The following MYO1F variants were observed in gnomAD, a reference collection of about 807,000 sequenced individuals.
MYO1F encodes the protein unconventional myosin-If.
MYO1F carries 60 observed loss-of-function variants against 146.6 expected under a neutral mutation model. The observed-to-expected ratio is 0.41, with a 90% CI of 0.33 to 0.51. MYO1F has a LOEUF of 0.51. MYO1F is among the 20% of genes least tolerant of loss of function. The pLI is 0.25. For missense variants in MYO1F, 1,274 were observed against 1,534.3 expected, an observed-to-expected ratio of 0.83 and a Z score of 2.83; for synonymous variants, 602 against 602.1, an observed-to-expected ratio of 1.00 and a Z score of 0.00.
intron 19 of MYO1F, among the ~76,000 whole-genome samples, chr19:8,531,585 A>G (rs1381385912): frequency 6.6e-6 from 1 of 151,610 alleles, no homozygotes; most frequent in Non-Finnish European, 1.5e-5. Context: ...AAATGACTGG[A>G]CCTCCCTGTG....
intron 6 of MYO1F, 46 bp downstream of exon 6, chr19:8,553,093 C>A: frequency 1.3e-6 from 2 of 1,567,724 alleles, no homozygotes; most frequent in South Asian, 2.2e-5. Context: ...GTAGAAAGGT[C>A]AGCACGGAGG....
At chr19:8,539,566 A>G (rs749527668) in intron 16 of MYO1F, among the ~76,000 whole-genome samples, 2 of 151,500 alleles carry the variant, frequency 1.3e-5, no homozygotes, top group Non-Finnish European at 2.9e-5. Flanking sequence ...ACTGCACTCC[A>G]TCCTGGGTGA....
chr19:8,545,514 C>CT (rs1292424497), intron 13 of MYO1F, 136 bp downstream of exon 13: 1 of 776,570 alleles, frequency 1.3e-6, no homozygotes, highest in Non-Finnish European at 2.4e-6. Context: ...TGGTTGTTAT[C>CT]TGTCGCTGGA....
At position 8,529,966 on chromosome 19, in the gene MYO1F, G is replaced by A. The variant is rs943276033; in HGVS notation, c.2328+230C>T. 3.1e-5 allele frequency: 20 copies of A among 649,444 alleles called. No homozygotes were observed. In the Admixed American group the frequency reaches 4.3e-4, roughly 14 times the overall value. The allele number at this position is 649,444 out of a possible 1,614,324, so 40.2% of individuals were successfully genotyped here. A position where few individuals can be genotyped will look rare whatever the true frequency, so the allele number is the denominator to read the frequency against. On this transcript the variant is annotated intron_variant, in intron 21 of 27. Transcript: ENST00000644032. ...CTAGGCTGGGGGATAGATACCTATG[G>A]ACAGGTGTGTCTGTGCCAGGTGAGG... is the stretch of plus-strand genomic sequence containing the variant.
chr19:8,556,035 T>C (rs1205202274), intron 1 of MYO1F, among the ~76,000 whole-genome samples: 1 of 151,494 alleles, frequency 6.6e-6, no homozygotes, highest in Non-Finnish European at 1.5e-5. Context: ...TTTTTATTTA[T>C]TTATTTATTT....
intron 13 of MYO1F, 110 bp downstream of exon 13, chr19:8,545,540 G>T (rs982125469): frequency 6.8e-5 from 61 of 899,680 alleles, no homozygotes; most frequent in Non-Finnish European, 1.1e-4. Context: ...TGAGTGTAGG[G>T]TAGAGAAGGG....
At chr19:8,564,844 C>T (rs1226010021) in intron 1 of MYO1F, among the ~76,000 whole-genome samples, 1 of 151,882 alleles carries the variant, frequency 6.6e-6, no homozygotes, top group Non-Finnish European at 1.5e-5. Context: ...ATGATTTCGG[C>T]TCACTGCAAC....
intron 15 of MYO1F, chr19:8,540,248 TAGGAACTGCAGCC>T (rs1382446063): frequency 2.0e-6 from 1 of 489,362 alleles, no homozygotes; most frequent in Non-Finnish European, 3.6e-6. Flanking sequence ...GGTGCGATGA[TAGGAACTGCAGCC>T]TGGAACTCCT....
chr19:8,551,474 C>T (rs750193161), intron 8 of MYO1F: 26 of 459,766 alleles, frequency 5.7e-5, no homozygotes, highest in Non-Finnish European at 9.6e-5. Context: ...GCCTCTGCCT[C>T]CCCAGTAGCT....
At chr19:8,543,972 CTGGTGCTGGTGCTGGTGGTGGTGCTGGT>C (rs1568349965) in intron 14 of MYO1F, 35 of 113,814 alleles carry the variant, frequency 3.1e-4, no homozygotes, top group African/African-American at 2.7e-3. Context: ...GGTGGTGGTG[CTGGTGCTGGTGCTGGTGGTGGTGCTGGT>C]GGTGGCGGTG....
chr19:8,555,042 G>A (rs2913926), intron 2 of MYO1F, among the ~76,000 whole-genome samples: 20,818 of 151,700 alleles, frequency 0.14, 1,478 homozygotes, highest in Non-Finnish European at 0.14. Flanking sequence ...AAAATTACCC[G>A]GGCATGGTGG....
intron 1 of MYO1F, among the ~76,000 whole-genome samples, chr19:8,566,524 T>A (rs2042008339): frequency 6.7e-6 from 1 of 150,116 alleles, no homozygotes; most frequent in Non-Finnish European, 1.5e-5. Context: ...ATTAATTTAT[T>A]TATTTTTGAA....
chr19:8,563,322 C>CA (rs1232125978), intron 1 of MYO1F, among the ~76,000 whole-genome samples: 1 of 109,674 alleles, frequency 9.1e-6, no homozygotes, highest in African/African-American at 3.5e-5. Context: ...TTTTGAGACA[C>CA]AGTCTTGCTC....
chr19:8,529,735 A>G, intron 21 of MYO1F: 1 of 298,284 alleles, frequency 3.4e-6, no homozygotes, highest in South Asian at 3.1e-5. Flanking sequence ...GTGAGGGTGT[A>G]TCTGACAGGT....
In MYO1F at chr19:8,550,389, CAGTT is replaced by C. The variant is rs535620553; in HGVS notation, c.905-37_905-34del. The C allele has an allele frequency of 1.7e-4, 266 of 1,596,684 alleles. No homozygotes were observed. In the African/African-American group the frequency reaches 3.1e-3, roughly 19 times the overall value. On this transcript the variant is annotated intron_variant, in intron 9 of 27. Transcript: ENST00000644032. ...GGCAAAGGTCAGGGCAAAAATGGGA[CAGTT>C]GGTTGGGCTCTTGTGCCTCCTGCAT...
At chr19:8,523,608 C>G (rs1031180761) in intron 25 of MYO1F, among the ~76,000 whole-genome samples, 16 of 152,154 alleles carry the variant, frequency 1.1e-4, no homozygotes, top group African/African-American at 3.9e-4. Flanking sequence ...ACTTCGGCCT[C>G]CCAACATGCT....
chr19:8,529,900 C>T (rs1457753372), intron 21 of MYO1F: 4 of 552,954 alleles, frequency 7.2e-6, no homozygotes, highest in Non-Finnish European at 1.3e-5. Context: ...GCAGGTGTGC[C>T]TGGGCTAGGT....
chr19:8,553,798 G>T (rs1973713565), intron 4 of MYO1F, among the ~76,000 whole-genome samples: 1 of 151,412 alleles, frequency 6.6e-6, no homozygotes, highest in Admixed American at 6.6e-5. Flanking sequence ...CTTGAACCTG[G>T]GAGGCAGAGG....
intron 4 of MYO1F, 58 bp downstream of exon 4, chr19:8,554,419 T>C: frequency 7.2e-7 from 1 of 1,395,916 alleles, no homozygotes; most frequent in South Asian, 1.2e-5. Flanking sequence ...CTGGGGGTGG[T>C]GATGTTTCAG....
Sources: allele counts gnomAD v4.1 joint callset (sites outside exome capture counted in the v4.1 genomes callset), GRCh38; gene constraint gnomAD v4.1.1; transcripts MANE v1.5; gene names NCBI Gene and HGNC (gene_info 2026-07-23, HGNC 2026-07-21).